The following TNS1 variants were observed in gnomAD, a reference collection of about 807,000 sequenced individuals.
TNS1 encodes tensin 1, also known as tensin-1.
Under a neutral mutation model 168.6 loss-of-function variants are expected in TNS1, and 62 were observed. The ratio of observed to expected loss-of-function variants is 0.37; its 90% CI spans 0.30 to 0.45. The LOEUF (loss-of-function observed/expected upper bound fraction) is 0.45, where lower values mean the gene tolerates loss of function less well. TNS1 is among the 20% of genes least tolerant of loss of function. TNS1 has a pLI of 1.00. For missense variants in TNS1, 2,240 were observed against 2,339.4 expected, an observed-to-expected ratio of 0.96 and a Z score of 0.88; for synonymous variants, 934 against 933.2, an observed-to-expected ratio of 1.00 and a Z score of -0.02.
intron 18 of TNS1, among the ~76,000 whole-genome samples, chr2:217,872,872 T>C (rs978308777): frequency 6.6e-6 from 1 of 152,168 alleles, no homozygotes; most frequent in Non-Finnish European, 1.5e-5. Context: ...CAAAAATGAA[T>C]AAAATACTGA....
intron 18 of TNS1, among the ~76,000 whole-genome samples, chr2:217,873,307 T>C (rs1387746388): frequency 6.6e-6 from 1 of 152,174 alleles, no homozygotes; most frequent in Non-Finnish European, 1.5e-5. Context: ...GTAAAAAGAT[T>C]AGAAAGTGGA....
intron 3 of TNS1, among the ~76,000 whole-genome samples, chr2:217,966,626 G>C (rs146006695): frequency 3.3e-4 from 51 of 152,302 alleles, no homozygotes; most frequent in African/African-American, 1.2e-3. Flanking sequence ...TCTAACCCCA[G>C]ATGCACTGAG....
chr2:217,988,212 T>C (rs1181527537), intron 2 of TNS1, among the ~76,000 whole-genome samples: 1 of 152,138 alleles, frequency 6.6e-6, no homozygotes, highest in Non-Finnish European at 1.5e-5. Flanking sequence ...AACCAGTCTG[T>C]CCACTCACCC....
At chr2:217,868,275 G>A (rs1949462185) in intron 18 of TNS1, among the ~76,000 whole-genome samples, 1 of 152,240 alleles carries the variant, frequency 6.6e-6, no homozygotes, top group Non-Finnish European at 1.5e-5. Context: ...TTTTCTCAAA[G>A]GGAGGAGGCC....
intron 3 of TNS1, among the ~76,000 whole-genome samples, chr2:217,953,995 A>G (rs1957302533): frequency 6.6e-6 from 1 of 152,232 alleles, no homozygotes; most frequent in Non-Finnish European, 1.5e-5. Flanking sequence ...CAGAAGACTC[A>G]GGAGAGCATT....
At chr2:218,027,888 G>T (rs1268047028) in intron 1 of TNS1, among the ~76,000 whole-genome samples, 1 of 152,306 alleles carries the variant, frequency 6.6e-6, no homozygotes, top group African/African-American at 2.4e-5. Context: ...CAGACTGCAG[G>T]CTGGGCCAGA....
At chr2:217,836,342 A>G (rs1318080906) in intron 19 of TNS1, 131 bp from the exon 20 acceptor site, 1 of 870,474 alleles carries the variant, frequency 1.1e-6, no homozygotes, top group Non-Finnish European at 1.7e-6. Context: ...GTCATCCCCC[A>G]TTGTCTTCCC....
intron 3 of TNS1, among the ~76,000 whole-genome samples, chr2:217,969,134 A>T (rs2126023692): frequency 6.6e-6 from 1 of 152,352 alleles, no homozygotes; most frequent in Non-Finnish European, 1.5e-5. Flanking sequence ...CAGAATAGCC[A>T]AGACAACCTT....
At chr2:217,836,751 T>A (rs576701054) in intron 19 of TNS1, among the ~76,000 whole-genome samples, 16 of 152,300 alleles carry the variant, frequency 1.1e-4, no homozygotes, top group African/African-American at 3.9e-4. Flanking sequence ...TTTGGCTTTC[T>A]CTGGGGTTCC....
chr2:217,831,195 A>C (rs1271325351), intron 22 of TNS1, among the ~76,000 whole-genome samples: 2 of 152,188 alleles, frequency 1.3e-5, no homozygotes, highest in Non-Finnish European at 2.9e-5. Context: ...AACACCACCA[A>C]GGAAACTGAG....
chr2:217,908,137 T>G lies in TNS1; in HGVS notation c.229-886A>C, dbSNP rs1281303000. On this transcript the variant is annotated intron_variant, in intron 4 of 32. Transcript: ENST00000682258. ...TAAGCAAAATTTGGACCAATTCATT[T>G]GGAAACTCCCTCCTACCAGGGTGGA... Among the ~76,000 whole-genome samples the G allele has an allele frequency of 3.3e-5, 5 of 152,212 alleles. 1 individual carries two copies. The highest frequency in any genetic ancestry group is 7.3e-5 in the Non-Finnish European group (5 of 68,030).
intron 18 of TNS1, among the ~76,000 whole-genome samples, chr2:217,873,111 A>T (rs1444943618): frequency 6.6e-6 from 1 of 152,200 alleles, no homozygotes; most frequent in East Asian, 1.9e-4. Context: ...GATTACGGTG[A>T]TGGTTGTACA....
Position 217,813,601 on chromosome 2 carries a change from C to T in TNS1, c.4861+84G>A. 2 of 1,519,694 alleles carry T rather than the reference C, an allele frequency of 1.3e-6. No individual in the cohort carries two copies. Among genetic ancestry groups the T allele is most frequent in the South Asian group, 2.7e-5 (2 of 75,276 alleles). 94.1% of individuals were successfully genotyped at this position (1,519,694 alleles called of 1,614,324 possible). A position where few individuals can be genotyped will look rare whatever the true frequency, so the allele number is the denominator to read the frequency against. On this transcript the variant is annotated intron_variant, in intron 26 of 32. Coordinates refer to ENST00000682258, the MANE Select transcript of TNS1 (RefSeq NM_001387777.1). The surrounding 1 kb of genome is among the most constrained non-coding windows in gnomAD (Gnocchi z 4.0). ...TGATGGGAGTTAAGGTCCTGCCCAGCACCCTGGGTCCCTCCAGCACCTCCA... is the reference window on the plus strand; with the variant it reads ...TGATGGGAGTTAAGGTCCTGCCCAGTACCCTGGGTCCCTCCAGCACCTCCA...
chr2:217,847,526 C>G lies in TNS1; in HGVS notation c.2991G>C (p.Val997=). The G allele has an allele frequency of 2.0e-6, 3 of 1,469,146 alleles. No individual in the cohort carries two copies. Among genetic ancestry groups the G allele is most frequent in the Non-Finnish European group, 2.7e-6 (3 of 1,103,644 alleles). 91.0% of individuals were successfully genotyped at this position (1,469,146 alleles called of 1,614,324 possible). A position where few individuals can be genotyped will look rare whatever the true frequency, so the allele number is the denominator to read the frequency against. Residue 997 remains valine (V), a synonymous_variant, in exon 19 of 33, where the codon GTG becomes GTC. Transcript: ENST00000682258. ...ACCTCTTACCTGCTACCCTGTGGGC[C>G]ACCAGCCCTTCTAAATTCAATGGCT... is the stretch of plus-strand genomic sequence containing the variant. ...EEEPLNLEGL[V]AHRVAGVQAR...
chr2:217,808,158 G>A (rs1220027526), intron 31 of TNS1, 51 bp from the exon 32 acceptor site: 1 of 1,602,540 alleles, frequency 6.2e-7, no homozygotes, highest in Non-Finnish European at 8.5e-7. Flanking sequence ...TCTCCCTAGA[G>A]CCCAGCCCCA....
upstream of TNS1, chr2:218,010,526 C>T (rs1958696684): frequency 4.8e-6 from 1 of 208,776 alleles, no homozygotes; most frequent in African/African-American, 2.3e-5. Context: ...CAGCCTCCGC[C>T]TCCTGCTTCC....
chr2:217,809,263 G>A (rs1439354324), intron 30 of TNS1, among the ~76,000 whole-genome samples: 179 of 71,732 alleles, frequency 2.5e-3, no homozygotes, highest in Admixed American at 3.5e-3. Context: ...ATGGATGGAT[G>A]GATGGATGGA....
chr2:217,973,986 C>T (rs1042821876), intron 3 of TNS1, among the ~76,000 whole-genome samples: 4 of 152,212 alleles, frequency 2.6e-5, no homozygotes, highest in Admixed American at 6.5e-5. Context: ...CGCAAGAACA[C>T]GATGAGCCTC....
At chr2:217,899,911 G>A (rs1255089990) in intron 7 of TNS1, among the ~76,000 whole-genome samples, 1 of 152,234 alleles carries the variant, frequency 6.6e-6, no homozygotes, top group African/African-American at 2.4e-5. Flanking sequence ...AGTGGGTGAA[G>A]GTGAGGCAGA....
Sources: gnomAD v4.1 joint callset for allele counts (sites outside exome capture counted in the v4.1 genomes callset) on GRCh38, gnomAD v4.1.1 for gene constraint, Gnocchi (gnomAD v3.1) non-coding constraint, MANE v1.5 for transcripts, NCBI Gene and HGNC (gene_info 2026-07-23, HGNC 2026-07-21) for gene names.